RNF220: variants seen among roughly 807,000 people sequenced by gnomAD.
RNF220 encodes E3 ubiquitin-protein ligase RNF220.
Under a neutral mutation model 67.1 loss-of-function variants are expected in RNF220, and 7 were observed. That is an observed-to-expected ratio of 0.10 (90% confidence interval 0.06 to 0.20). RNF220 has a LOEUF of 0.20. RNF220 is among the 10% of genes least tolerant of loss of function. RNF220 has a pLI of 1.00. For synonymous variants in RNF220, 270 were observed against 283.2 expected, an observed-to-expected ratio of 0.95 and a Z score of 0.47; for missense variants, 565 against 740.3, an observed-to-expected ratio of 0.76 and a Z score of 2.75.
intron 2 of RNF220, among the ~76,000 whole-genome samples, chr1:44,492,489 G>A (rs1232159541): frequency 2.6e-5 from 4 of 152,170 alleles, no homozygotes; most frequent in African/African-American, 7.2e-5. Flanking sequence ...TATTATTCAT[G>A]ATAGCCAAAA....
chr1:44,525,819 G>A (rs1417299379), intron 2 of RNF220, among the ~76,000 whole-genome samples: 8 of 152,032 alleles, frequency 5.3e-5, no homozygotes, highest in South Asian at 2.1e-4. Flanking sequence ...ACACAGCCCC[G>A]CCCTCAGTCT....
intron 2 of RNF220, among the ~76,000 whole-genome samples, chr1:44,444,986 A>C (rs1651933170): frequency 6.6e-6 from 1 of 152,176 alleles, no homozygotes; most frequent in African/African-American, 2.4e-5. Context: ...TATTTTTAGC[A>C]GTATATAAGA....
At chr1:44,479,543 G>A (rs1341812965) in intron 2 of RNF220, among the ~76,000 whole-genome samples, 2 of 151,968 alleles carry the variant, frequency 1.3e-5, no homozygotes, top group African/African-American at 4.8e-5. Context: ...GTAGAACCTT[G>A]CTCTTAAGTT....
intron 2 of RNF220, among the ~76,000 whole-genome samples, chr1:44,568,809 T>C (rs1278183880): frequency 1.3e-5 from 2 of 152,182 alleles, no homozygotes; most frequent in South Asian, 2.1e-4. Flanking sequence ...TGTGCCCTTT[T>C]ATTCTTTCAT....
chr1:44,609,596 C>T (rs1667518673), intron 2 of RNF220, among the ~76,000 whole-genome samples: 1 of 152,198 alleles, frequency 6.6e-6, no homozygotes, highest in Non-Finnish European at 1.5e-5. Context: ...CTTGAGTTGC[C>T]TGTTCCCAAT....
chr1:44,526,128 C>A (rs1245988391), intron 2 of RNF220, among the ~76,000 whole-genome samples: 1 of 152,204 alleles, frequency 6.6e-6, no homozygotes, highest in Non-Finnish European at 1.5e-5. Context: ...TACCTCAAAT[C>A]CCAAATCCAT....
chr1:44,524,305 G>C (rs574972809), intron 2 of RNF220, among the ~76,000 whole-genome samples: 2 of 152,038 alleles, frequency 1.3e-5, no homozygotes, highest in African/African-American at 4.8e-5. Context: ...CTCCCACCTC[G>C]GGTAGGTGGG....
chr1:44,574,789 C>T (rs774720283), intron 2 of RNF220, among the ~76,000 whole-genome samples: 1 of 152,186 alleles, frequency 6.6e-6, no homozygotes, highest in African/African-American at 2.4e-5. Flanking sequence ...TGTGCTTCCT[C>T]AGCCGCCTGT....
Position 44,632,669 on chromosome 1 carries a change from C to G in RNF220, c.949+284C>G, listed in dbSNP as rs565007546. ...AGAATGAGGAACGAGCTACACAATT[C>G]TACTCGGGAGCTCAGCTTTGAATTT... On this transcript the variant is annotated intron_variant, in intron 6 of 14. Coordinates refer to ENST00000361799, the MANE Select transcript of RNF220 (RefSeq NM_018150.4). 1,328 of 552,982 alleles carry G rather than the reference C, an allele frequency of 2.4e-3. 6 individuals are homozygous for G. Among genetic ancestry groups the G allele is most frequent in the Non-Finnish European group, 3.9e-3 (1,205 of 306,664 alleles). The allele number at this position is 552,982 out of a possible 1,614,324, so 34.3% of individuals were successfully genotyped here.
intron 7 of RNF220, 97 bp downstream of exon 7, chr1:44,635,685 C>T: frequency 6.3e-7 from 1 of 1,596,966 alleles, no homozygotes; most frequent in Non-Finnish European, 8.5e-7. Flanking sequence ...GCCATCACCA[C>T]CCACCTTCCT....
chr1:44,422,449 G>A (rs1649332312), intron 2 of RNF220, among the ~76,000 whole-genome samples: 1 of 152,212 alleles, frequency 6.6e-6, no homozygotes, highest in Admixed American at 6.5e-5. Context: ...GATTTACGGG[G>A]AAAAGAACCC....
intron 2 of RNF220, among the ~76,000 whole-genome samples, chr1:44,547,283 C>T (rs766284648): frequency 1.3e-5 from 2 of 152,252 alleles, no homozygotes; most frequent in Non-Finnish European, 2.9e-5. Context: ...CCTCACTGCT[C>T]AAAGGCTTTT....
chr1:44,632,412 GC>G, intron 6 of RNF220, 27 bp downstream of exon 6: 2 of 921,668 alleles, frequency 2.2e-6, no homozygotes, highest in African/African-American at 3.6e-5. Context: ...CCCTCCCTCC[GC>G]CCCACCCCCG....
chr1:44,520,259 G>A (rs957198393), intron 2 of RNF220, among the ~76,000 whole-genome samples: 3 of 151,974 alleles, frequency 2.0e-5, no homozygotes, highest in Non-Finnish European at 2.9e-5. Flanking sequence ...TCAGGAGATC[G>A]AGACCGTCCT....
chr1:44,406,637 C>T (rs1647357853), intron 1 of RNF220, among the ~76,000 whole-genome samples: 2 of 152,248 alleles, frequency 1.3e-5, no homozygotes, highest in Admixed American at 1.3e-4. Flanking sequence ...CTTCTCTGCC[C>T]GGAACCCAGC....
At chr1:44,603,280 A>G (rs545334424) in intron 2 of RNF220, among the ~76,000 whole-genome samples, 350 of 152,386 alleles carry the variant, frequency 2.3e-3, no homozygotes, top group Non-Finnish European at 3.6e-3. Context: ...CTTTGCTGGG[A>G]AAAGGTAAAC....
At chr1:44,460,947 C>T (rs1653703940) in intron 2 of RNF220, among the ~76,000 whole-genome samples, 1 of 152,218 alleles carries the variant, frequency 6.6e-6, no homozygotes, top group Non-Finnish European at 1.5e-5. Flanking sequence ...TTCCCCCTTC[C>T]CTGTCAGCAC....
intron 2 of RNF220, among the ~76,000 whole-genome samples, chr1:44,498,650 A>G (rs143100654): frequency 6.6e-6 from 1 of 152,020 alleles, no homozygotes; most frequent in Non-Finnish European, 1.5e-5. Context: ...TGACCCCTCA[A>G]CTGCCACAAC....
At chr1:44,437,237 C>G (rs1412128567) in intron 2 of RNF220, among the ~76,000 whole-genome samples, 1 of 152,172 alleles carries the variant, frequency 6.6e-6, no homozygotes, top group Non-Finnish European at 1.5e-5. Context: ...ATTGCATAGA[C>G]ACAGCTGTGG....
Sources: gnomAD v4.1 joint callset for allele counts (sites outside exome capture counted in the v4.1 genomes callset) on GRCh38, gnomAD v4.1.1 for gene constraint, MANE v1.5 for transcripts, NCBI Gene and HGNC (gene_info 2026-07-23, HGNC 2026-07-21) for gene names.